Variants in ACOT11 observed in about 807,000 individuals in gnomAD.
ACOT11 encodes the protein acyl-coenzyme A thioesterase 11.
A neutral mutation model predicts 77.5 loss-of-function variants in ACOT11; 69 were observed. The observed-to-expected ratio is 0.89, with a 90% CI of 0.73 to 1.09. ACOT11 has a LOEUF of 1.09. Ranked by LOEUF, ACOT11 falls within the 50% of genes least tolerant of loss-of-function variation. The pLI is 0.00. For synonymous variants in ACOT11, 279 were observed against 313.0 expected, an observed-to-expected ratio of 0.89 and a Z score of 1.15; for missense variants, 766 against 813.7, an observed-to-expected ratio of 0.94 and a Z score of 0.71.
intron 1 of ACOT11, among the ~76,000 whole-genome samples, chr1:54,562,296 G>A (rs539477323): frequency 1.1e-4 from 13 of 115,276 alleles, no homozygotes; most frequent in Non-Finnish European, 3.6e-5. Context: ...CCCGGACGGG[G>A]CGGCTGGCCG....
chr1:54,599,928 G>A (rs1266929758), intron 8 of ACOT11, among the ~76,000 whole-genome samples: 3 of 152,228 alleles, frequency 2.0e-5, no homozygotes, highest in Admixed American at 2.0e-4. Context: ...ATTATTAAAA[G>A]TGAGGGATCA....
In ACOT11 at chr1:54,607,327, T is replaced by C; in HGVS notation, c.1502+62T>C. The C allele has an allele frequency of 6.3e-7, 1 of 1,594,338 alleles. No homozygotes were observed. Among genetic ancestry groups the C allele is most frequent in the Non-Finnish European group, 8.6e-7 (1 of 1,165,292 alleles). On this transcript the variant is annotated intron_variant, in intron 14 of 15. Coordinates refer to ENST00000343744, the MANE Select transcript of ACOT11 (RefSeq NM_147161.4). This position sits in a 1 kb window ranked among gnomAD's most constrained non-coding sequence, Gnocchi z 4.5. ...TGGACAGGGTGGTAGGGTGGCCGCT[T>C]CTCCCTCCCAGGGAAGGGCATCAGC...
At chr1:54,604,314 G>A (rs771334853) in intron 11 of ACOT11, 32 bp from the exon 12 acceptor site, 14 of 1,600,238 alleles carry the variant, frequency 8.7e-6, no homozygotes, top group Admixed American at 1.7e-5. Context: ...GGAAGGGGGT[G>A]GGGTAGTGGT....
At chr1:54,613,471 C>T (rs1251463545), downstream of ACOT11, among the ~76,000 whole-genome samples, 1 of 151,364 alleles carries the variant, frequency 6.6e-6, no homozygotes, top group Non-Finnish European at 1.5e-5. Context: ...TCTTTTCTTT[C>T]TATACGTGGT....
At chr1:54,587,632 G>GCTCA (rs1030842146) in intron 3 of ACOT11, among the ~76,000 whole-genome samples, 1 of 122,802 alleles carries the variant, frequency 8.1e-6, no homozygotes, top group African/African-American at 3.1e-5. Flanking sequence ...GATGATCTTG[G>GCTCA]CTCACTGCAA....
intron 1 of ACOT11, among the ~76,000 whole-genome samples, chr1:54,561,387 C>T (rs879558125): frequency 9.4e-6 from 1 of 106,376 alleles, no homozygotes; most frequent in Non-Finnish European, 1.8e-5. Flanking sequence ...TGAGTGGACA[C>T]AGCACATGTT....
downstream of ACOT11, chr1:54,612,380 G>T: frequency 1.3e-6 from 1 of 768,058 alleles, no homozygotes; most frequent in Non-Finnish European, 2.2e-6. Flanking sequence ...CACTGGCAGG[G>T]GTTGGACGAA....
intron 1 of ACOT11, among the ~76,000 whole-genome samples, chr1:54,562,250 G>A (rs769598955): frequency 7.9e-5 from 9 of 114,622 alleles, no homozygotes; most frequent in South Asian, 3.1e-4. Flanking sequence ...CGGACGGGGC[G>A]GCTGGCCAGG....
intron 1 of ACOT11, among the ~76,000 whole-genome samples, chr1:54,574,112 T>C (rs971405095): frequency 1.4e-4 from 21 of 152,230 alleles, no homozygotes; most frequent in Non-Finnish European, 2.5e-4. Context: ...TTCTCAATCT[T>C]ACCTGCCGCC....
chr1:54,588,843 A>G (rs986723455), intron 3 of ACOT11, among the ~76,000 whole-genome samples: 6 of 152,158 alleles, frequency 3.9e-5, no homozygotes, highest in Admixed American at 6.5e-5. Flanking sequence ...TGGAAGGGAA[A>G]GCCAGAGAGG....
chr1:54,580,650 C>G (rs895109945), intron 1 of ACOT11, among the ~76,000 whole-genome samples: 1 of 152,218 alleles, frequency 6.6e-6, no homozygotes, highest in African/African-American at 2.4e-5. Flanking sequence ...TTTCCTTTCT[C>G]TCTTCCATGG....
At chr1:54,612,838 C>T (rs772858122), downstream of ACOT11, 2 of 682,540 alleles carry the variant, frequency 2.9e-6, no homozygotes, top group African/African-American at 3.6e-5. Flanking sequence ...AAGCAGAGTC[C>T]CAAAGGACAG....
rs1198535583 is a variant in ACOT11 at position 54,584,898 on chromosome 1, C to T, written c.241+36C>T. Reference sequence around the variant, plus strand: ...GCTCCCCATGGTTCCCTACCTGCCCCACAGGCCCAGAGCAGGGGCCGTGCT... The same window carrying T: ...GCTCCCCATGGTTCCCTACCTGCCCTACAGGCCCAGAGCAGGGGCCGTGCT... On this transcript the variant is annotated intron_variant, in intron 2 of 15. Transcript: ENST00000343744. The surrounding 1 kb of genome is among the most constrained non-coding windows in gnomAD (Gnocchi z 6.3). The T allele has an allele frequency of 1.9e-6, 3 of 1,583,920 alleles. No homozygotes were observed. Among genetic ancestry groups the T allele is most frequent in the Non-Finnish European group, 2.6e-6 (3 of 1,163,674 alleles).
Position 54,610,172 on chromosome 1 carries a change from G to T in ACOT11, c.*1060G>T. 1 of 1,432,978 alleles carries T rather than the reference G, an allele frequency of 7.0e-7. No individual in the cohort carries two copies. The allele number at this position is 1,432,978 out of a possible 1,614,324, so 88.8% of individuals were successfully genotyped here. On this transcript the variant is annotated 3_prime_UTR_variant, in exon 16 of 16. Coordinates refer to ENST00000343744, the MANE Select transcript of ACOT11 (RefSeq NM_147161.4). ...CCTTTACCCATGACTCAGCCTGGGGGCTGGTGCCGGCCTTGCCTGCAGCAA... is the reference window on the plus strand; with the variant it reads ...CCTTTACCCATGACTCAGCCTGGGGTCTGGTGCCGGCCTTGCCTGCAGCAA...
Position 54,599,401 on chromosome 1 carries a change from T to C in ACOT11, c.870T>C (p.Asn290=). ...DRLVLKAIVN[N]AFKHSMEVGV... ...TGGTGCTCAAAGCCATCGTGAACAA[T>C]GCCTTCAAACATAGGTGAGGGTCTG... Residue 290 remains asparagine (N), a synonymous_variant, in exon 8 of 16, where the codon AAT becomes AAC. Transcript: ENST00000343744. 1 of 1,604,072 alleles carries C rather than the reference T, an allele frequency of 6.2e-7. No homozygotes were observed.
rs1307147611 is a variant in ACOT11, at chr1:54,625,906, T to C, written c.1630-4828T>C. On this transcript the variant is annotated intron_variant, in intron 15 of 16. Coordinates refer to the ACOT11 transcript ENST00000371316. ...GTGAGCCGAGATTGTGCCATTGCAC[T>C]CCAGCCTGGGCAACAAGAGTGAAAC... Among the ~76,000 whole-genome samples the C allele has an allele frequency of 2.4e-5, 3 of 126,188 alleles. No homozygotes were observed. The Admixed American group carries it at 2.6e-4, about 11-fold the overall frequency. 82.8% of individuals were successfully genotyped at this position (126,188 alleles called of 152,430 possible). A position where few individuals can be genotyped will look rare whatever the true frequency, so the allele number is the denominator to read the frequency against.
intron 1 of ACOT11, among the ~76,000 whole-genome samples, chr1:54,558,491 A>G (rs1653348022): frequency 6.6e-6 from 1 of 152,192 alleles, no homozygotes; most frequent in Admixed American, 6.5e-5. Context: ...GAGAACAGGG[A>G]GCTGTGAGAG....
intron 1 of ACOT11, among the ~76,000 whole-genome samples, chr1:54,549,142 C>T (rs778461853): frequency 6.6e-6 from 1 of 152,146 alleles, no homozygotes; most frequent in African/African-American, 2.4e-5. Flanking sequence ...GCATCCTCAC[C>T]GGGCCCTGTG....
At position 54,619,321 on chromosome 1, in the gene ACOT11, G is replaced by A. The variant is rs115781059; in HGVS notation, c.1629+11253G>A. Among the ~76,000 whole-genome samples the A allele has an allele frequency of 4.8e-3, 734 of 152,326 alleles. 4 individuals are homozygous for A. The highest frequency in any genetic ancestry group is 0.012 in the Admixed American group (186 of 15,294). ...CAAGCGTCACGCAGTGGCTTGGAGC[G>A]TGCACTCTGGGACTGACCACTCTGG... On this transcript the variant is annotated intron_variant, in intron 15 of 16. Coordinates refer to the ACOT11 transcript ENST00000371316.
Sources: allele counts gnomAD v4.1 joint callset (sites outside exome capture counted in the v4.1 genomes callset), GRCh38; gene constraint gnomAD v4.1.1; non-coding constraint Gnocchi (gnomAD v3.1); transcripts MANE v1.5; gene names NCBI Gene and HGNC (gene_info 2026-07-23, HGNC 2026-07-21).